Variants in SENP5 observed in about 807,000 individuals in gnomAD.
The protein encoded by SENP5 is SUMO specific peptidase 5.
A neutral mutation model predicts 74.2 loss-of-function variants in SENP5; 21 were observed. The ratio of observed to expected loss-of-function variants is 0.28; its 90% CI spans 0.20 to 0.41. The LOEUF (loss-of-function observed/expected upper bound fraction) is 0.41, where lower values mean the gene tolerates loss of function less well. Among genes scored for constraint, SENP5 ranks in the 10% least tolerant of loss-of-function variants. The pLI is 1.00. For missense variants in SENP5, 717 were observed against 889.1 expected (o/e 0.81, Z 2.46); for synonymous variants, 311 against 312.7 (o/e 0.99, Z 0.06).
intron 1 of SENP5, among the ~76,000 whole-genome samples, chr3:196,868,587 T>C (rs2108798494): frequency 6.6e-6 from 1 of 152,300 alleles, no homozygotes; most frequent in East Asian, 1.9e-4. Flanking sequence ...CTACGCCCTG[T>C]GGCCACTCTG....
chr3:196,921,069 T>C (rs1209447533), intron 6 of SENP5, among the ~76,000 whole-genome samples: 1 of 152,202 alleles, frequency 6.6e-6, no homozygotes, highest in African/African-American at 2.4e-5. Context: ...ATATCCCTTA[T>C]TCAAAATGCT....
intron 2 of SENP5, among the ~76,000 whole-genome samples, chr3:196,887,771 T>A (rs9799228): frequency 6.6e-6 from 1 of 152,044 alleles, no homozygotes; most frequent in African/African-American, 2.4e-5. Context: ...TGTCTTTTTT[T>A]ATTTTTTATT....
chr3:196,885,049 A>G (rs1713891708), intron 1 of SENP5, 102 bp from the exon 2 acceptor site: 2 of 664,040 alleles, frequency 3.0e-6, no homozygotes, highest in South Asian at 2.0e-5. Context: ...ATTGAAGTAT[A>G]TGTACTCTTT....
At chr3:196,870,782 C>T (rs887826218) in intron 1 of SENP5, among the ~76,000 whole-genome samples, 2 of 151,846 alleles carry the variant, frequency 1.3e-5, no homozygotes, top group Non-Finnish European at 2.9e-5. Context: ...CCTCCCAAAG[C>T]GCGGGGATTA....
At chr3:196,869,820 G>A (rs1334050799) in intron 1 of SENP5, among the ~76,000 whole-genome samples, 1 of 135,644 alleles carries the variant, frequency 7.4e-6, no homozygotes. Context: ...ACTGCGCCTG[G>A]GCTATATTAC....
chr3:196,876,382 G>A (rs1187167054), intron 1 of SENP5, among the ~76,000 whole-genome samples: 1 of 151,972 alleles, frequency 6.6e-6, no homozygotes, highest in East Asian at 1.9e-4. Context: ...AAAATTAGCC[G>A]GGCCTGGTGG....
At chr3:196,924,443 T>G (rs1018490485) in intron 7 of SENP5, among the ~76,000 whole-genome samples, 2 of 152,086 alleles carry the variant, frequency 1.3e-5, no homozygotes, top group Non-Finnish European at 2.9e-5. Flanking sequence ...TTTAGTAAAT[T>G]TTAGGAAAAA....
At chr3:196,919,514 C>G (rs1715525426) in intron 6 of SENP5, among the ~76,000 whole-genome samples, 1 of 152,082 alleles carries the variant, frequency 6.6e-6, no homozygotes, top group African/African-American at 2.4e-5. Flanking sequence ...ACGTGACCAA[C>G]CAGGGGCGGT....
intron 2 of SENP5, among the ~76,000 whole-genome samples, chr3:196,894,534 CTT>C (rs200741660): frequency 3.5e-5 from 5 of 141,754 alleles, no homozygotes; most frequent in African/African-American, 8.0e-5. Flanking sequence ...GTTGCGAGTT[CTT>C]TTTTTTTTTT....
intron 1 of SENP5, among the ~76,000 whole-genome samples, chr3:196,873,634 A>G (rs1020144041): frequency 6.6e-6 from 1 of 151,310 alleles, no homozygotes; most frequent in Non-Finnish European, 1.5e-5. Flanking sequence ...AGGTCAGGAG[A>G]TCAAGACCAT....
At chr3:196,884,392 A>C (rs1303308198) in intron 1 of SENP5, among the ~76,000 whole-genome samples, 1 of 152,264 alleles carries the variant, frequency 6.6e-6, no homozygotes, top group African/African-American at 2.4e-5. Flanking sequence ...ATGACAGTCA[A>C]ATCCAAACAA....
intron 4 of SENP5, 99 bp downstream of exon 4, chr3:196,900,161 A>C: frequency 6.9e-7 from 1 of 1,451,906 alleles, no homozygotes. Context: ...TTTTGGAATA[A>C]GGATTCTTCA....
At chr3:196,921,362 A>C (rs1715614098) in intron 6 of SENP5, among the ~76,000 whole-genome samples, 1 of 152,122 alleles carries the variant, frequency 6.6e-6, no homozygotes, top group African/African-American at 2.4e-5. Context: ...AAAGTTCCAG[A>C]TTTTGGAGGA....
intron 6 of SENP5, among the ~76,000 whole-genome samples, chr3:196,910,122 C>G (rs977330095): frequency 3.3e-5 from 5 of 151,806 alleles, no homozygotes; most frequent in African/African-American, 9.7e-5. Context: ...AAGCAGAGAG[C>G]CAAATCATGA....
intron 2 of SENP5, among the ~76,000 whole-genome samples, chr3:196,890,575 G>C (rs1478564197): frequency 2.0e-5 from 3 of 152,184 alleles, no homozygotes; most frequent in African/African-American, 7.2e-5. Context: ...ATGCTGATGC[G>C]CTCATGCAGG....
intron 6 of SENP5, among the ~76,000 whole-genome samples, chr3:196,907,127 A>G (rs1386870099): frequency 6.6e-6 from 1 of 152,202 alleles, no homozygotes; most frequent in African/African-American, 2.4e-5. Flanking sequence ...GTTCAAATTT[A>G]AAATGTACAG....
rs201337917 is a variant in SENP5 at position 196,918,014 on chromosome 3, TAAATA to T, written c.1885-5399_1885-5395del. On this transcript the variant is annotated intron_variant, in intron 6 of 9. Coordinates refer to ENST00000323460, the MANE Select transcript of SENP5 (RefSeq NM_152699.5). ...TTTTTTAAGCGATAATATAAAAAGA[TAAATA>T]GAAACAATGGCCGGGCACGGTGGCT... is the stretch of plus-strand genomic sequence containing the variant. 1.2e-3 allele frequency among the ~76,000 whole-genome samples: 187 copies of T among 152,180 alleles called. 4 individuals carry two copies. The East Asian group carries it at 0.03, about 24-fold the overall frequency.
intron 1 of SENP5, among the ~76,000 whole-genome samples, chr3:196,884,132 G>A (rs539142534): frequency 1.3e-5 from 2 of 152,168 alleles, no homozygotes; most frequent in African/African-American, 4.8e-5. Flanking sequence ...AAAAGAGCAG[G>A]TACTTTTGTT....
intron 6 of SENP5, among the ~76,000 whole-genome samples, chr3:196,921,824 C>T (rs1457207580): frequency 6.6e-6 from 1 of 152,128 alleles, no homozygotes; most frequent in Non-Finnish European, 1.5e-5. Context: ...AGAAGGAAAT[C>T]TTGGGAAATT....
Sources: gnomAD v4.1 joint callset for allele counts (sites outside exome capture counted in the v4.1 genomes callset) on GRCh38, gnomAD v4.1.1 for gene constraint, MANE v1.5 for transcripts, NCBI Gene and HGNC (gene_info 2026-07-23, HGNC 2026-07-21) for gene names.